The following DLGAP2 variants were observed in gnomAD, a reference collection of about 807,000 sequenced individuals.
DLGAP2 encodes the protein DLG associated protein 2.
A neutral mutation model predicts 100.3 loss-of-function variants in DLGAP2; 26 were observed. The ratio of observed to expected loss-of-function variants is 0.26; its 90% CI spans 0.19 to 0.36. The LOEUF (loss-of-function observed/expected upper bound fraction) is 0.36. DLGAP2 is among the 10% of genes least tolerant of loss of function. DLGAP2 has a pLI of 1.00. For synonymous variants in DLGAP2, 886 were observed against 630.1 expected, an observed-to-expected ratio of 1.41 and a Z score of -6.08; for missense variants, 1,858 against 1,453.2, an observed-to-expected ratio of 1.28 and a Z score of -4.53.
chr8:959,768 A>G (rs1799680087), intron 2 of DLGAP2, among the ~76,000 whole-genome samples: 1 of 152,192 alleles, frequency 6.6e-6, no homozygotes, highest in South Asian at 2.1e-4. Flanking sequence ...ATTCACTTTT[A>G]TTTTAAACTA....
rs59096879 is a variant in DLGAP2, at chr8:1,283,110, C to G, written c.106+24227C>G. Among the ~76,000 whole-genome samples the G allele has an allele frequency of 5.5e-3, 745 of 134,236 alleles. 3 individuals are homozygous for G. The highest frequency in any genetic ancestry group is 0.024 in the African/African-American group (669 of 28,222). The allele number at this position is 134,236 out of a possible 152,430, so 88.1% of individuals were successfully genotyped here. On this transcript the variant is annotated intron_variant, in intron 3 of 14. Transcript: ENST00000637795. ...CGTGGTGTGACCTGAACCCAGCGCC[C>G]TGAACCATCCGGACATGGTGTGACC...
intron 1 of DLGAP2, among the ~76,000 whole-genome samples, chr8:897,062 C>T (rs1001088443): frequency 6.6e-6 from 1 of 152,100 alleles, no homozygotes; most frequent in African/African-American, 2.4e-5. Flanking sequence ...CGGAGGAAAC[C>T]CCCTCACTGG....
At chr8:1,625,565 T>C (rs750920183) in intron 6 of DLGAP2, among the ~76,000 whole-genome samples, 2 of 152,250 alleles carry the variant, frequency 1.3e-5, no homozygotes, top group African/African-American at 2.4e-5. Flanking sequence ...CTGGACAACT[T>C]TGCATAAGTT....
At chr8:1,157,025 C>T (rs1290684737) in intron 2 of DLGAP2, among the ~76,000 whole-genome samples, 1 of 152,042 alleles carries the variant, frequency 6.6e-6, no homozygotes, top group East Asian at 1.9e-4. Context: ...GCCAGGGCCC[C>T]AGGCTCTCAG....
intron 7 of DLGAP2, among the ~76,000 whole-genome samples, chr8:1,628,907 C>T (rs909618229): frequency 3.3e-5 from 5 of 152,208 alleles, no homozygotes; most frequent in Non-Finnish European, 5.9e-5. Context: ...CAGTTATCGG[C>T]GTGACAATGG....
At chr8:824,028 C>CT (rs201660252) in intron 1 of DLGAP2, among the ~76,000 whole-genome samples, 1 of 3,800 alleles carries the variant, frequency 2.6e-4, no homozygotes, top group Non-Finnish European at 1.0e-3. Flanking sequence ...ATTTCTTCTT[C>CT]TTTTTTTTCT....
chr8:1,250,200 C>A (rs545662992), intron 2 of DLGAP2, among the ~76,000 whole-genome samples: 2 of 117,288 alleles, frequency 1.7e-5, no homozygotes, highest in Non-Finnish European at 3.5e-5. Context: ...GCTAAGCTCA[C>A]TGTGAAGATA....
intron 1 of DLGAP2, among the ~76,000 whole-genome samples, chr8:906,832 C>G (rs923451875): frequency 6.6e-6 from 1 of 152,182 alleles, no homozygotes; most frequent in Non-Finnish European, 1.5e-5. Flanking sequence ...GGTACTAAAA[C>G]TCATTATTGT....
chr8:1,304,844 T>G (rs960962309), intron 3 of DLGAP2, among the ~76,000 whole-genome samples: 12 of 152,238 alleles, frequency 7.9e-5, no homozygotes, highest in African/African-American at 2.9e-4. Flanking sequence ...CCTTCAATAC[T>G]GCACAGGATA....
intron 3 of DLGAP2, among the ~76,000 whole-genome samples, chr8:1,342,493 C>G (rs1801439306): frequency 7.0e-6 from 1 of 143,810 alleles, no homozygotes. Flanking sequence ...CTGTGAAGGG[C>G]CAAGTAGTTA....
intron 8 of DLGAP2, among the ~76,000 whole-genome samples, chr8:1,654,060 T>C (rs1027256805): frequency 6.6e-6 from 1 of 152,146 alleles, no homozygotes; most frequent in African/African-American, 2.4e-5. Context: ...AAAAATAAAC[T>C]CTCATCATCA....
chr8:752,668 A>G (rs1376665306), intron 1 of DLGAP2, among the ~76,000 whole-genome samples: 2 of 152,188 alleles, frequency 1.3e-5, no homozygotes, highest in African/African-American at 4.8e-5. Flanking sequence ...CCTGAAATTT[A>G]TAAACGGGGA....
At chr8:953,697 G>A (rs187203580) in intron 2 of DLGAP2, among the ~76,000 whole-genome samples, 2 of 152,044 alleles carry the variant, frequency 1.3e-5, no homozygotes, top group African/African-American at 2.4e-5. Flanking sequence ...AGAAAGTGCC[G>A]AGTGGAGCTG....
chr8:1,236,250 G>C (rs1484412795), intron 2 of DLGAP2, among the ~76,000 whole-genome samples: 10 of 58,426 alleles, frequency 1.7e-4, no homozygotes, highest in African/African-American at 2.7e-4. Context: ...ACCATGTCTA[G>C]TTATCTCACA....
intron 2 of DLGAP2, among the ~76,000 whole-genome samples, chr8:1,178,811 C>G (rs1364240451): frequency 6.6e-6 from 1 of 152,204 alleles, no homozygotes; most frequent in Non-Finnish European, 1.5e-5. Context: ...GTGCCCACCG[C>G]CAGCATCTGT....
intron 2 of DLGAP2, among the ~76,000 whole-genome samples, chr8:913,229 A>C (rs1485847921): frequency 6.6e-6 from 1 of 152,208 alleles, no homozygotes; most frequent in East Asian, 1.9e-4. Flanking sequence ...CCACTGGAGC[A>C]CTTTGGAGGT....
At chr8:1,151,417 T>G (rs376372191) in intron 2 of DLGAP2, among the ~76,000 whole-genome samples, 1 of 152,180 alleles carries the variant, frequency 6.6e-6, no homozygotes, top group East Asian at 1.9e-4. Context: ...GAAGTCACTG[T>G]ACAGAGGAAA....
At chr8:846,147 A>G (rs1293376371) in intron 1 of DLGAP2, among the ~76,000 whole-genome samples, 1 of 152,232 alleles carries the variant, frequency 6.6e-6, no homozygotes, top group Non-Finnish European at 1.5e-5. Flanking sequence ...GAGTACATTC[A>G]AAAACCTCTG....
chr8:1,551,344 G>C (rs1218552496), intron 5 of DLGAP2, among the ~76,000 whole-genome samples: 2 of 152,134 alleles, frequency 1.3e-5, no homozygotes, highest in East Asian at 1.9e-4. Flanking sequence ...GTTTTTGTCT[G>C]TGCCTGGTGT....
Sources: gnomAD v4.1 joint callset for allele counts (sites outside exome capture counted in the v4.1 genomes callset) on GRCh38, gnomAD v4.1.1 for gene constraint, MANE v1.5 for transcripts, NCBI Gene and HGNC (gene_info 2026-07-23, HGNC 2026-07-21) for gene names.